The following EPC2 variants were observed in gnomAD, a reference collection of about 807,000 sequenced individuals.
EPC2 encodes enhancer of polycomb 2, also known as enhancer of polycomb homolog 2.
In EPC2, 14 loss-of-function variants were observed where a neutral mutation model predicts 92.1. The observed-to-expected ratio is 0.15, with a 90% CI of 0.10 to 0.24. The LOEUF is 0.24. EPC2 is among the 10% of genes least tolerant of loss of function. The pLI, the probability that EPC2 is intolerant of heterozygous loss-of-function variation, is 1.00. For synonymous variants in EPC2, 340 were observed against 334.7 expected, an observed-to-expected ratio of 1.02 and a Z score of -0.17; for missense variants, 755 against 971.5, an observed-to-expected ratio of 0.78 and a Z score of 2.96.
At chr2:148,783,052 T>A (rs901115896) in intron 11 of EPC2, among the ~76,000 whole-genome samples, 7 of 152,168 alleles carry the variant, frequency 4.6e-5, no homozygotes, top group African/African-American at 1.2e-4. Context: ...TCCTGTGACA[T>A]CCAGGTGGAT....
chr2:148,706,598 A>G (rs1411095558), intron 2 of EPC2, among the ~76,000 whole-genome samples: 5 of 152,210 alleles, frequency 3.3e-5, no homozygotes, highest in African/African-American at 9.6e-5. Context: ...AGCCAGAGAG[A>G]AAGGTCGGGT....
At chr2:148,674,420 G>T (rs1354021706) in intron 1 of EPC2, among the ~76,000 whole-genome samples, 5 of 152,128 alleles carry the variant, frequency 3.3e-5, no homozygotes, top group South Asian at 2.1e-4. Context: ...CAGAATATTG[G>T]ATGCATTTTC....
At chr2:148,707,540 T>C (rs897991194) in intron 2 of EPC2, among the ~76,000 whole-genome samples, 5 of 152,212 alleles carry the variant, frequency 3.3e-5, no homozygotes, top group East Asian at 1.9e-4. Flanking sequence ...ATCAACAGAA[T>C]ATACATTCTT....
intron 1 of EPC2, among the ~76,000 whole-genome samples, chr2:148,654,706 A>G (rs1296713507): frequency 1.3e-5 from 2 of 152,294 alleles, no homozygotes; most frequent in South Asian, 2.1e-4. Context: ...TTCAAACATT[A>G]CAAGTTAATA....
intron 8 of EPC2, among the ~76,000 whole-genome samples, chr2:148,769,477 G>A (rs1032554650): frequency 6.6e-6 from 1 of 152,038 alleles, no homozygotes; most frequent in Non-Finnish European, 1.5e-5. Flanking sequence ...GGTTCATTTT[G>A]GGCTCTAATT....
In EPC2 at chr2:148,644,941, A is replaced by C. The variant is rs1665259167; in HGVS notation, c.-77A>C. The C allele has an allele frequency of 1.6e-6, 2 of 1,226,094 alleles. No homozygotes were observed. Among genetic ancestry groups the C allele is most frequent in the African/African-American group, 1.5e-5 (1 of 66,540 alleles). 76.0% of individuals were successfully genotyped at this position (1,226,094 alleles called of 1,614,324 possible). ...GCTGCACTGAGGAAGGAGGTGGAGG[A>C]GGCGGCGGGAGTCCTCCCCCCCTCC... On this transcript the variant is annotated 5_prime_UTR_variant, in exon 1 of 14. Transcript: ENST00000258484.
At position 148,764,945 on chromosome 2, in the gene EPC2, A is replaced by T. The variant is rs774558474; in HGVS notation, c.949-10A>T. ...TCTTCCTTTTGGGGGAAAAATCGTCATGTAAACAGCACCCTCATCATTTGT... is the reference window on the plus strand; with the variant it reads ...TCTTCCTTTTGGGGGAAAAATCGTCTTGTAAACAGCACCCTCATCATTTGT... On this transcript the variant is annotated splice_polypyrimidine_tract_variant and intron_variant, in intron 6 of 13. Transcript: ENST00000258484. 1.7e-5 allele frequency: 25 copies of T among 1,462,710 alleles called. No homozygotes were observed. Among genetic ancestry groups the T allele is most frequent in the Non-Finnish European group, 2.1e-5 (23 of 1,101,926 alleles). 90.6% of individuals were successfully genotyped at this position (1,462,710 alleles called of 1,614,324 possible).
intron 3 of EPC2, 107 bp downstream of exon 3, chr2:148,743,874 A>G (rs1682931248): frequency 2.3e-6 from 2 of 864,438 alleles, no homozygotes; most frequent in African/African-American, 1.7e-5. Context: ...TCTTTTCCTG[A>G]CATCCTGGAA....
intron 1 of EPC2, among the ~76,000 whole-genome samples, chr2:148,666,368 T>C (rs1681055757): frequency 6.6e-6 from 1 of 152,196 alleles, no homozygotes; most frequent in Non-Finnish European, 1.5e-5. Flanking sequence ...GGTTTTGAAC[T>C]CTGGAGTTCA....
chr2:148,647,003 GGGA>G (rs1683817448), intron 1 of EPC2, among the ~76,000 whole-genome samples: 1 of 152,118 alleles, frequency 6.6e-6, no homozygotes, highest in African/African-American at 2.4e-5. Context: ...CCAGCTACTC[GGGA>G]GGCTGAGGCA....
chr2:148,782,276 C>T (rs975189848), intron 11 of EPC2, among the ~76,000 whole-genome samples: 5 of 152,216 alleles, frequency 3.3e-5, no homozygotes, highest in African/African-American at 1.2e-4. Context: ...GTGGCTCATG[C>T]CTGTAATCCC....
intron 1 of EPC2, among the ~76,000 whole-genome samples, chr2:148,680,182 T>C (rs1681366193): frequency 6.6e-6 from 1 of 152,100 alleles, no homozygotes; most frequent in South Asian, 2.1e-4. Flanking sequence ...TTTGCCCTGC[T>C]AAATCCCTAT....
At chr2:148,729,471 T>C (rs1388345508) in intron 2 of EPC2, among the ~76,000 whole-genome samples, 2 of 152,222 alleles carry the variant, frequency 1.3e-5, no homozygotes, top group African/African-American at 4.8e-5. Flanking sequence ...TACATTATTA[T>C]TAACTAAACC....
At chr2:148,649,295 T>C (rs770061295) in intron 1 of EPC2, among the ~76,000 whole-genome samples, 17 of 152,248 alleles carry the variant, frequency 1.1e-4, no homozygotes, top group African/African-American at 3.4e-4. Flanking sequence ...AAACAAGATA[T>C]AGAACATTTC....
chr2:148,670,719 T>C (rs1681138909), intron 1 of EPC2, among the ~76,000 whole-genome samples: 1 of 152,128 alleles, frequency 6.6e-6, no homozygotes, highest in South Asian at 2.1e-4. Context: ...CTCTTCCCTG[T>C]CCCCTCCCTT....
intron 1 of EPC2, among the ~76,000 whole-genome samples, chr2:148,671,675 T>A (rs1020750703): frequency 1.3e-5 from 2 of 152,192 alleles, no homozygotes; most frequent in African/African-American, 4.8e-5. Context: ...ATTCTACTTG[T>A]ATTAGGATCT....
At chr2:148,683,078 A>AT (rs936686288) in intron 1 of EPC2, among the ~76,000 whole-genome samples, 1,580 of 147,170 alleles carry the variant, frequency 0.011, 14 homozygotes, top group African/African-American at 0.035. Context: ...AGGATCTTAA[A>AT]TTTTTTTTTT....
chr2:148,776,427 C>T (rs1683646544), intron 10 of EPC2, among the ~76,000 whole-genome samples: 1 of 152,104 alleles, frequency 6.6e-6, no homozygotes, highest in Non-Finnish European at 1.5e-5. Flanking sequence ...CATTCCCCAA[C>T]CCCCCTTATC....
chr2:148,694,371 A>C (rs538276736), intron 2 of EPC2, among the ~76,000 whole-genome samples: 1 of 152,290 alleles, frequency 6.6e-6, no homozygotes, highest in East Asian at 1.9e-4. Context: ...AGTCACCCTT[A>C]ATCAGCTTTA....
Sources: allele counts gnomAD v4.1 joint callset (sites outside exome capture counted in the v4.1 genomes callset), GRCh38; gene constraint gnomAD v4.1.1; transcripts MANE v1.5; gene names NCBI Gene and HGNC (gene_info 2026-07-23, HGNC 2026-07-21).